Variants in IRAK1BP1 observed in about 807,000 individuals in gnomAD.
IRAK1BP1 encodes the protein interleukin-1 receptor-associated kinase 1-binding protein 1.
Under a neutral mutation model 28.0 loss-of-function variants are expected in IRAK1BP1, and 24 were observed. That is an observed-to-expected ratio of 0.86 (90% CI 0.62 to 1.20). The LOEUF is 1.20. Among genes scored for constraint, IRAK1BP1 ranks in the 50% most tolerant of loss-of-function variants. The pLI, the probability that IRAK1BP1 is intolerant of heterozygous loss-of-function variation, is 0.00. For missense variants in IRAK1BP1, 336 were observed against 316.7 expected (o/e 1.06, Z -0.46); for synonymous variants, 131 against 116.3 (o/e 1.13, Z -0.81).
chr6:78,938,380 T>C (rs1422660571), intron 4 of IRAK1BP1: 2 of 151,648 alleles, frequency 1.3e-5, no homozygotes, highest in African/African-American at 4.8e-5. Context: ...ACTAGAGGTA[T>C]ATTCCACTCT....
chr6:78,955,898 C>G, the IRAK1BP1 span: 1 of 292,998 alleles, frequency 3.4e-6, no homozygotes, highest in South Asian at 1.5e-4. Flanking sequence ...TATCATTACA[C>G]CAAACCCAAG....
At chr6:78,958,703 C>T in the IRAK1BP1 span, 1 of 733,432 alleles carries the variant, frequency 1.4e-6, no homozygotes, top group Non-Finnish European at 2.4e-6. Flanking sequence ...CAGTCTAAAC[C>T]AACTGTAAAA....
At chr6:78,974,314 T>G in the IRAK1BP1 span, among the ~76,000 whole-genome samples, 1 of 151,802 alleles carries the variant, frequency 6.6e-6, no homozygotes, top group Non-Finnish European at 1.5e-5. Flanking sequence ...AATAAAGATG[T>G]TCTTTGAAAC....
chr6:78,868,810 G>A (rs1770686803), intron 1 of IRAK1BP1, among the ~76,000 whole-genome samples: 1 of 152,154 alleles, frequency 6.6e-6, no homozygotes, highest in South Asian at 2.1e-4. Flanking sequence ...AGAAATCATA[G>A]GGATCAACGA....
chr6:78,947,199 A>G (rs965705450), downstream of IRAK1BP1, among the ~76,000 whole-genome samples: 4 of 152,168 alleles, frequency 2.6e-5, no homozygotes, highest in African/African-American at 9.7e-5. Context: ...CCTGTTTTCT[A>G]TCTAGGACTA....
At chr6:78,966,087 C>A in the IRAK1BP1 span, 1 of 1,298,320 alleles carries the variant, frequency 7.7e-7, no homozygotes, top group African/African-American at 1.5e-5. Context: ...ACTCATCATT[C>A]TGAAATGCAT....
chr6:78,922,125 T>C (rs9350794), intron 4 of IRAK1BP1, among the ~76,000 whole-genome samples: 72,135 of 152,036 alleles, frequency 0.47, 17,428 homozygotes, highest in East Asian at 0.69. Flanking sequence ...CAAATTACTC[T>C]GAGCTAAAGG....
chr6:78,936,718 A>C (rs1176200986), intron 4 of IRAK1BP1: 1 of 151,888 alleles, frequency 6.6e-6, no homozygotes, highest in Non-Finnish European at 1.5e-5. Context: ...TACAAGGTTT[A>C]TCTCTGGAGC....
chr6:78,919,128 A>G (rs1772650935), intron 4 of IRAK1BP1, among the ~76,000 whole-genome samples: 1 of 152,226 alleles, frequency 6.6e-6, no homozygotes, highest in African/African-American at 2.4e-5. Flanking sequence ...TAAAGCAGAA[A>G]TTTAAAAAGT....
chr6:78,926,014 A>G (rs1361379017), intron 4 of IRAK1BP1, among the ~76,000 whole-genome samples: 1 of 152,134 alleles, frequency 6.6e-6, no homozygotes, highest in Admixed American at 6.6e-5. Flanking sequence ...AGAAGGAATA[A>G]TAGACAGTAG....
intron 4 of IRAK1BP1, chr6:78,945,228 T>A: frequency 8.7e-7 from 1 of 1,149,130 alleles, no homozygotes; most frequent in South Asian, 1.3e-5. Context: ...TGGATATAAA[T>A]GCTGATTCCA....
At chr6:78,934,330 CCTG>C (rs899655462) in intron 4 of IRAK1BP1, among the ~76,000 whole-genome samples, 10 of 152,202 alleles carry the variant, frequency 6.6e-5, no homozygotes, top group Admixed American at 6.5e-4. Context: ...GAAGTTATCA[CCTG>C]CTGTTGGAAA....
At chr6:78,894,283 T>C (rs1308237178) in intron 2 of IRAK1BP1, among the ~76,000 whole-genome samples, 1 of 152,236 alleles carries the variant, frequency 6.6e-6, no homozygotes, top group Non-Finnish European at 1.5e-5. Flanking sequence ...CCACATACCT[T>C]CATTAAAATA....
At chr6:78,882,059 G>A (rs1003360173) in intron 1 of IRAK1BP1, among the ~76,000 whole-genome samples, 1 of 152,074 alleles carries the variant, frequency 6.6e-6, no homozygotes, top group African/African-American at 2.4e-5. Context: ...TGTCCACTGA[G>A]AGAGCCTAGA....
the IRAK1BP1 span, among the ~76,000 whole-genome samples, chr6:78,968,489 G>A: frequency 6.6e-5 from 10 of 152,174 alleles, no homozygotes; most frequent in South Asian, 4.1e-4. Flanking sequence ...TTTTCACATC[G>A]GGGGGTTCCG....
chr6:78,959,182 A>C, the IRAK1BP1 span, among the ~76,000 whole-genome samples: 1 of 152,148 alleles, frequency 6.6e-6, no homozygotes, highest in Non-Finnish European at 1.5e-5. Context: ...GGAGTTTTAC[A>C]ATTTTATTTC....
At chr6:78,924,046 G>C (rs1490531071) in intron 4 of IRAK1BP1, among the ~76,000 whole-genome samples, 1 of 152,132 alleles carries the variant, frequency 6.6e-6, no homozygotes, top group Non-Finnish European at 1.5e-5. Context: ...AAAGCTAGCA[G>C]AAGGCAAGAA....
At chr6:78,970,268 T>C in the IRAK1BP1 span, 1 of 1,040,480 alleles carries the variant, frequency 9.6e-7, no homozygotes. Context: ...TTGGTTTAAA[T>C]CTTGATCTGG....
chr6:78,901,920 C>G lies in IRAK1BP1; in HGVS notation c.*3586C>G, dbSNP rs1329221855. On this transcript the variant is annotated 3_prime_UTR_variant, in exon 4 of 4. Coordinates refer to ENST00000369940, the MANE Select transcript of IRAK1BP1 (RefSeq NM_001010844.4). ...AATATGGGCTAAGGATATCTCAACT[C>G]TGTCAGATTTGTTGATAAGAATTTA... The G allele has an allele frequency of 6.6e-6, 1 of 152,102 alleles. No homozygotes were observed. Among genetic ancestry groups the G allele is most frequent in the African/African-American group, 2.4e-5 (1 of 41,408 alleles). The allele number at this position is 152,102 out of a possible 1,614,324, so 9.4% of individuals were successfully genotyped here. A position where few individuals can be genotyped will look rare whatever the true frequency, so the allele number is the denominator to read the frequency against.
Sources: allele counts gnomAD v4.1 joint callset (sites outside exome capture counted in the v4.1 genomes callset), GRCh38; gene constraint gnomAD v4.1.1; transcripts MANE v1.5; gene names NCBI Gene and HGNC (gene_info 2026-07-23, HGNC 2026-07-21).